Variants in CDH13 observed in about 807,000 individuals in gnomAD.
CDH13 encodes the protein cadherin 13.
A neutral mutation model predicts 63.8 loss-of-function variants in CDH13; 24 were observed. That is an observed-to-expected ratio of 0.38 (90% CI 0.27 to 0.53). CDH13 has a LOEUF of 0.53. Ranked by LOEUF, CDH13 falls within the 20% of genes least tolerant of loss-of-function variation. The pLI is 0.85. For synonymous variants in CDH13, 503 were observed against 355.3 expected (o/e 1.42, Z -4.67); for missense variants, 1,049 against 903.1 (o/e 1.16, Z -2.07).
At chr16:82,861,191 T>G (rs1228233771) in intron 2 of CDH13, among the ~76,000 whole-genome samples, 2 of 152,192 alleles carry the variant, frequency 1.3e-5, no homozygotes. Flanking sequence ...CATATAAATA[T>G]AGGTCAGTGT....
intron 3 of CDH13, among the ~76,000 whole-genome samples, chr16:83,050,799 A>T (rs1342054045): frequency 3.9e-5 from 6 of 152,038 alleles, no homozygotes; most frequent in Admixed American, 2.6e-4. Flanking sequence ...CCTGTACCTC[A>T]TTACCTCATT....
At chr16:83,374,325 A>G (rs922959254) in intron 6 of CDH13, among the ~76,000 whole-genome samples, 2 of 152,216 alleles carry the variant, frequency 1.3e-5, no homozygotes, top group Non-Finnish European at 2.9e-5. Context: ...GTGACCCTCA[A>G]GAAGATTCCA....
intron 1 of CDH13, among the ~76,000 whole-genome samples, chr16:82,664,139 G>A (rs1912309460): frequency 6.6e-6 from 1 of 152,248 alleles, no homozygotes; most frequent in Non-Finnish European, 1.5e-5. Flanking sequence ...TTGAGGCAGT[G>A]CTCAGCACAT....
At chr16:83,586,842 T>C (rs1254884079) in intron 7 of CDH13, among the ~76,000 whole-genome samples, 1 of 152,222 alleles carries the variant, frequency 6.6e-6, no homozygotes, top group African/African-American at 2.4e-5. Flanking sequence ...GAATTAGCTT[T>C]TGGACAACAG....
intron 2 of CDH13, among the ~76,000 whole-genome samples, chr16:82,911,438 G>C (rs2041826417): frequency 6.6e-6 from 1 of 152,132 alleles, no homozygotes; most frequent in African/African-American, 2.4e-5. Flanking sequence ...TTAGGAAAAA[G>C]TGACCTAGAG....
Position 83,227,135 on chromosome 16 carries a change from A to G in CDH13, c.636+9638A>G, listed in dbSNP as rs534870292. Among the ~76,000 whole-genome samples, 31 of 152,334 alleles carry G rather than the reference A, an allele frequency of 2.0e-4. No homozygotes were observed. In the South Asian group the frequency reaches 5.4e-3, roughly 26 times the overall value. ...CTGCAAGATTGAAAGTGAAGGCCAG[A>G]AGCTAATTAAATTGATCACAAACGA... On this transcript the variant is annotated intron_variant, in intron 5 of 13. Transcript: ENST00000567109.
rs370462086 is a variant in CDH13, at chr16:82,858,747, G to A, written c.157+274G>A. 2.5e-5 allele frequency: 14 copies of A among 568,350 alleles called. 1 individual carries two copies. The South Asian group carries it at 3.3e-4, about 13-fold the overall frequency. 35.2% of individuals were successfully genotyped at this position (568,350 alleles called of 1,614,324 possible). On this transcript the variant is annotated intron_variant, in intron 2 of 13. Coordinates refer to ENST00000567109, the MANE Select transcript of CDH13 (RefSeq NM_001257.5). ...AGGGGGCTGTCAGCCTCCAATGAGA[G>A]TTGTACACTGTGCAAAGGAAATGAA... is the stretch of plus-strand genomic sequence containing the variant.
intron 1 of CDH13, chr16:82,705,216 T>C (rs1268165859): frequency 1.5e-5 from 7 of 454,448 alleles, no homozygotes; most frequent in Non-Finnish European, 3.1e-5. Context: ...CTTTCAGGTA[T>C]ATAGCACATG....
At chr16:83,365,217 G>T (rs1169944604) in intron 6 of CDH13, among the ~76,000 whole-genome samples, 2 of 152,300 alleles carry the variant, frequency 1.3e-5, no homozygotes, top group East Asian at 1.9e-4. Context: ...ATCATTTCCA[G>T]TCTAAACGCC....
At chr16:82,756,390 C>T (rs1305530073) in intron 1 of CDH13, among the ~76,000 whole-genome samples, 1 of 152,036 alleles carries the variant, frequency 6.6e-6, no homozygotes, top group African/African-American at 2.4e-5. Flanking sequence ...TAATAGCCAC[C>T]ATTTGTGGAT....
chr16:82,895,827 G>T (rs2041236436), intron 2 of CDH13, among the ~76,000 whole-genome samples: 1 of 152,010 alleles, frequency 6.6e-6, no homozygotes, highest in South Asian at 2.1e-4. Flanking sequence ...AAATTCCAAG[G>T]TCTCTCCAGT....
intron 6 of CDH13, among the ~76,000 whole-genome samples, chr16:83,345,490 G>T (rs2090820674): frequency 6.6e-6 from 1 of 152,190 alleles, no homozygotes; most frequent in Non-Finnish European, 1.5e-5. Flanking sequence ...TCTTCAGTCA[G>T]AGGACCAAAA....
intron 5 of CDH13, among the ~76,000 whole-genome samples, chr16:83,329,040 A>G (rs1270238418): frequency 1.3e-5 from 2 of 152,152 alleles, no homozygotes; most frequent in African/African-American, 2.4e-5. Flanking sequence ...CCTTCCATTC[A>G]GTAATAAAAT....
chr16:83,171,024 C>T (rs1390660762), intron 4 of CDH13, among the ~76,000 whole-genome samples: 1 of 152,014 alleles, frequency 6.6e-6, no homozygotes, highest in Non-Finnish European at 1.5e-5. Flanking sequence ...CTGTATTAGG[C>T]CATTCTCACA....
At position 83,295,514 on chromosome 16, in the gene CDH13, A is replaced by G. The variant is rs1246709640; in HGVS notation, c.637-49348A>G. 3.9e-5 allele frequency among the ~76,000 whole-genome samples: 6 copies of G among 152,306 alleles called. No homozygotes were observed. The East Asian group carries it at 1.2e-3, about 29-fold the overall frequency. On this transcript the variant is annotated intron_variant, in intron 5 of 13. Coordinates refer to ENST00000567109, the MANE Select transcript of CDH13 (RefSeq NM_001257.5). ...CAATGAATAATTGAAAAATGGGAAA[A>G]GGAACTGAATAGACAGTTTTCTAAA... is the stretch of plus-strand genomic sequence containing the variant.
chr16:82,977,633 T>C (rs1406177370), intron 2 of CDH13, among the ~76,000 whole-genome samples: 5 of 152,186 alleles, frequency 3.3e-5, no homozygotes, highest in Admixed American at 6.5e-5. Flanking sequence ...CGTGAGTCAA[T>C]TGAACCTCTT....
chr16:82,795,852 C>T (rs1176777902), intron 1 of CDH13, among the ~76,000 whole-genome samples: 2 of 152,114 alleles, frequency 1.3e-5, no homozygotes, highest in Non-Finnish European at 2.9e-5. Flanking sequence ...CCCTCAATCC[C>T]TGCATCTCCA....
intron 3 of CDH13, among the ~76,000 whole-genome samples, chr16:83,090,329 A>G (rs2033832580): frequency 6.6e-6 from 1 of 151,930 alleles, no homozygotes; most frequent in Admixed American, 6.6e-5. Context: ...TAATCCCAGC[A>G]CTTTGGGAGG....
chr16:82,896,132 C>T (rs561754127), intron 2 of CDH13, among the ~76,000 whole-genome samples: 2 of 152,190 alleles, frequency 1.3e-5, no homozygotes, highest in Admixed American at 1.3e-4. Flanking sequence ...CGTATCTTAC[C>T]TGTTTCCCTG....
Sources: allele counts gnomAD v4.1 joint callset (sites outside exome capture counted in the v4.1 genomes callset), GRCh38; gene constraint gnomAD v4.1.1; transcripts MANE v1.5; gene names NCBI Gene and HGNC (gene_info 2026-07-23, HGNC 2026-07-21).